Variants in IL1RAPL2 observed in about 807,000 individuals in gnomAD.
IL1RAPL2 encodes the protein X-linked interleukin-1 receptor accessory protein-like 2.
A neutral mutation model predicts 44.1 loss-of-function variants in IL1RAPL2; 3 were observed. The observed-to-expected ratio is 0.07, with a 90% CI of 0.03 to 0.18. The LOEUF (loss-of-function observed/expected upper bound fraction) is 0.18. IL1RAPL2 is among the 10% of genes least tolerant of loss of function. The pLI, the probability that IL1RAPL2 is intolerant of heterozygous loss-of-function variation, is 1.00. For synonymous variants in IL1RAPL2, 181 were observed against 178.8 expected, an observed-to-expected ratio of 1.01 and a Z score of -0.10; for missense variants, 391 against 496.4, an observed-to-expected ratio of 0.79 and a Z score of 2.02.
intron 6 of IL1RAPL2, among the ~76,000 whole-genome samples, chrX:105,560,223 A>C (rs992173716): frequency 4.5e-5 from 5 of 111,359 alleles, no homozygotes; most frequent in Non-Finnish European, 9.4e-5. Context: ...GGTCTGTGTG[A>C]AGACTCTGTT....
intron 2 of IL1RAPL2, among the ~76,000 whole-genome samples, chrX:104,761,948 C>A (rs1932461221): frequency 1.2e-5 from 1 of 86,575 alleles, no homozygotes; most frequent in Non-Finnish European, 2.1e-5. Context: ...TCTTCTTCTT[C>A]TTCTTCTTCT....
chrX:105,660,942 A>T (rs1460636446), intron 6 of IL1RAPL2, among the ~76,000 whole-genome samples: 3 of 111,323 alleles, frequency 2.7e-5, no homozygotes, highest in Non-Finnish European at 5.7e-5. Flanking sequence ...CAATAATAAC[A>T]TTGAATGTAA....
At chrX:104,739,885 C>T (rs767496585) in intron 2 of IL1RAPL2, among the ~76,000 whole-genome samples, 1 of 111,343 alleles carries the variant, frequency 9.0e-6, no homozygotes, top group African/African-American at 3.3e-5. Context: ...TGTTTTAGAG[C>T]ATTATATATC....
intron 2 of IL1RAPL2, among the ~76,000 whole-genome samples, chrX:104,675,801 T>C (rs1224827386): frequency 6.3e-5 from 7 of 110,444 alleles, no homozygotes; most frequent in Non-Finnish European, 1.3e-4. Flanking sequence ...GGTGCATATA[T>C]ATGTAGGATA....
chrX:104,788,457 G>T (rs377604913), intron 2 of IL1RAPL2, among the ~76,000 whole-genome samples: 12 of 112,078 alleles, frequency 1.1e-4, no homozygotes, highest in African/African-American at 3.2e-4. Flanking sequence ...CAACTAACTA[G>T]AATCATTGGT....
At chrX:105,219,880 GA>G (rs2033931545) in intron 3 of IL1RAPL2, 12 of 1,079,306 alleles carry the variant, frequency 1.1e-5, no homozygotes, top group Non-Finnish European at 1.5e-5. Context: ...GCAGGGTGGA[GA>G]GGGGTGGGAA....
At chrX:104,870,986 A>G (rs1922745936) in intron 2 of IL1RAPL2, among the ~76,000 whole-genome samples, 1 of 110,803 alleles carries the variant, frequency 9.0e-6, no homozygotes, top group African/African-American at 3.3e-5. Context: ...TTATGTAACC[A>G]GCTTCTTTGT....
chrX:104,844,433 C>A (rs868039260), intron 2 of IL1RAPL2, among the ~76,000 whole-genome samples: 2 of 111,270 alleles, frequency 1.8e-5, no homozygotes, highest in Non-Finnish European at 3.8e-5. Context: ...GCATTTTTCT[C>A]AGAGCCTTTA....
At chrX:104,766,619 T>C (rs1425979257) in intron 2 of IL1RAPL2, among the ~76,000 whole-genome samples, 1 of 112,205 alleles carries the variant, frequency 8.9e-6, no homozygotes, top group Non-Finnish European at 1.9e-5. Flanking sequence ...GACTGACTTA[T>C]TCTTAGAAAC....
intron 6 of IL1RAPL2, among the ~76,000 whole-genome samples, chrX:105,637,401 C>G (rs2037532111): frequency 9.0e-6 from 1 of 111,517 alleles, no homozygotes; most frequent in African/African-American, 3.3e-5. Context: ...TCTATTTTAT[C>G]TGAGCCACTT....
chrX:105,153,467 T>G (rs2033244678), intron 2 of IL1RAPL2, among the ~76,000 whole-genome samples: 1 of 111,611 alleles, frequency 9.0e-6, no homozygotes, highest in African/African-American at 3.3e-5. Context: ...TTTAGTTTTG[T>G]AAAGCAAAAA....
chrX:104,641,682 C>T (rs949964684), intron 1 of IL1RAPL2, among the ~76,000 whole-genome samples: 3 of 111,361 alleles, frequency 2.7e-5, no homozygotes, highest in African/African-American at 9.8e-5. Context: ...ACCCACATCC[C>T]ATTCTTTATC....
At chrX:105,725,655 G>A (rs1463912442) in intron 7 of IL1RAPL2, among the ~76,000 whole-genome samples, 1 of 111,807 alleles carries the variant, frequency 8.9e-6, no homozygotes, top group Non-Finnish European at 1.9e-5. Context: ...CTAAAATACA[G>A]AGGAAATAAT....
At chrX:105,573,837 A>C (rs2147811512) in intron 6 of IL1RAPL2, among the ~76,000 whole-genome samples, 1 of 112,027 alleles carries the variant, frequency 8.9e-6, no homozygotes, top group African/African-American at 3.2e-5. Flanking sequence ...ATAGACTTGA[A>C]AGTTATCTTA....
chrX:104,731,759 A>G (rs1185554937), intron 2 of IL1RAPL2, among the ~76,000 whole-genome samples: 1 of 112,159 alleles, frequency 8.9e-6, no homozygotes, highest in Admixed American at 9.5e-5. Context: ...GGAGAAAAAA[A>G]TCAGTGCTTA....
At chrX:104,798,589 C>T (rs1932866118) in intron 2 of IL1RAPL2, among the ~76,000 whole-genome samples, 1 of 111,324 alleles carries the variant, frequency 9.0e-6, no homozygotes, top group African/African-American at 3.3e-5. Context: ...TGGTGTGAAC[C>T]CGGGAGGCGG....
At chrX:104,916,055 C>T (rs1279144721) in intron 2 of IL1RAPL2, among the ~76,000 whole-genome samples, 1 of 111,471 alleles carries the variant, frequency 9.0e-6, no homozygotes, top group Non-Finnish European at 1.9e-5. Flanking sequence ...CATGTGGGCT[C>T]TTTTTTGTTT....
intron 6 of IL1RAPL2, among the ~76,000 whole-genome samples, chrX:105,710,359 C>CTTTTTTTTTT (rs61023852): frequency 1.5e-5 from 1 of 65,857 alleles, no homozygotes; most frequent in African/African-American, 6.1e-5. Flanking sequence ...GAAAATCCTA[C>CTTTTTTTTTT]TTTTTTTTTT....
chrX:104,994,449 C>A (rs1318762265), intron 2 of IL1RAPL2, among the ~76,000 whole-genome samples: 1 of 111,725 alleles, frequency 9.0e-6, no homozygotes, highest in Non-Finnish European at 1.9e-5. Flanking sequence ...ATGTGAGACA[C>A]ACAGGTTTAT....
Sources: gnomAD v4.1 joint callset for allele counts (sites outside exome capture counted in the v4.1 genomes callset) on GRCh38, gnomAD v4.1.1 for gene constraint, MANE v1.5 for transcripts, NCBI Gene and HGNC (gene_info 2026-07-23, HGNC 2026-07-21) for gene names.